The following CRBN variants were observed in gnomAD, a reference collection of about 807,000 sequenced individuals.
CRBN encodes the protein cereblon.
A neutral mutation model predicts 62.2 loss-of-function variants in CRBN; 53 were observed. The observed-to-expected ratio is 0.85, with a 90% CI of 0.68 to 1.07. The LOEUF (loss-of-function observed/expected upper bound fraction) is 1.07, where lower values mean the gene tolerates loss of function less well. Ranked by LOEUF, CRBN falls within the 50% of genes least tolerant of loss-of-function variation. The probability of loss-of-function intolerance (pLI) is 0.00; values close to 1 mark genes in which losing one functional copy is unlikely to be tolerated. For missense variants in CRBN, 616 were observed against 531.1 expected, an observed-to-expected ratio of 1.16 and a Z score of -1.57; for synonymous variants, 208 against 176.1, an observed-to-expected ratio of 1.18 and a Z score of -1.43.
intron 4 of CRBN, 151 bp downstream of exon 4, chr3:3,172,625 G>T (rs1314915496): frequency 2.6e-6 from 2 of 765,978 alleles, no homozygotes; most frequent in African/African-American, 1.7e-5. Context: ...GCATAGCAAG[G>T]TTGGAAACCA....
In CRBN at chr3:3,150,766, T is replaced by C. The variant is rs1706474161; in HGVS notation, c.*99A>G. 2 of 1,135,278 alleles carry C rather than the reference T, an allele frequency of 1.8e-6. No individual in the cohort carries two copies. The highest frequency in any genetic ancestry group is 2.6e-6 in the Non-Finnish European group (2 of 781,722). 70.3% of individuals were successfully genotyped at this position (1,135,278 alleles called of 1,614,324 possible). On this transcript the variant is annotated 3_prime_UTR_variant, in exon 11 of 11. Transcript: ENST00000231948. ...AATGTTATGTTTACTTAGGTATTAA[T>C]GTTATGTTTACTTAGGTATGTATCA...
chr3:3,165,241 G>A (rs80164912), intron 5 of CRBN, among the ~76,000 whole-genome samples: 71 of 152,322 alleles, frequency 4.7e-4, no homozygotes, highest in African/African-American at 1.7e-3. Context: ...TGTTGTGAAT[G>A]TTGAAATGAC....
chr3:3,171,993 T>G (rs980991195), intron 4 of CRBN, among the ~76,000 whole-genome samples: 3 of 152,138 alleles, frequency 2.0e-5, no homozygotes, highest in Non-Finnish European at 4.4e-5. Context: ...AGAGGTAATA[T>G]CCAGTGATCA....
intron 5 of CRBN, 99 bp from the exon 6 acceptor site, chr3:3,156,380 C>CAG: frequency 1.9e-6 from 2 of 1,065,756 alleles, no homozygotes; most frequent in Non-Finnish European, 2.8e-6. Flanking sequence ...CCTAGGAAAA[C>CAG]ATCTAATTTT....
intron 5 of CRBN, among the ~76,000 whole-genome samples, chr3:3,161,177 C>A (rs1195799999): frequency 6.6e-6 from 1 of 151,928 alleles, no homozygotes; most frequent in African/African-American, 2.4e-5. Context: ...AGACAAAAGA[C>A]AAACTAGGAA....
chr3:3,150,484 T>C lies in CRBN; in HGVS notation c.*381A>G, dbSNP rs1397200236. 1 of 213,276 alleles carries C rather than the reference T, an allele frequency of 4.7e-6. No individual in the cohort carries two copies. Among genetic ancestry groups the C allele is most frequent in the Non-Finnish European group, 9.6e-6 (1 of 104,240 alleles). 13.2% of individuals were successfully genotyped at this position (213,276 alleles called of 1,614,324 possible). A position where few individuals can be genotyped will look rare whatever the true frequency, so the allele number is the denominator to read the frequency against. On this transcript the variant is annotated 3_prime_UTR_variant, in exon 11 of 11. Transcript: ENST00000231948. ...GCTGTCCCATACATCAGGATCAAAT[T>C]ATTAGTTTCAGTTTCACATTGTAGG...
chr3:3,150,481 A>G lies in CRBN; in HGVS notation c.*384T>C, dbSNP rs138718854. ...TACGCTGTCCCATACATCAGGATCA[A>G]ATTATTAGTTTCAGTTTCACATTGT... On this transcript the variant is annotated 3_prime_UTR_variant, in exon 11 of 11. Transcript: ENST00000231948. 4 of 214,056 alleles carry G rather than the reference A, an allele frequency of 1.9e-5. No homozygotes were observed. The highest frequency in any genetic ancestry group is 4.7e-5 in the African/African-American group (2 of 42,386). 13.3% of individuals were successfully genotyped at this position (214,056 alleles called of 1,614,324 possible). A position where few individuals can be genotyped will look rare whatever the true frequency, so the allele number is the denominator to read the frequency against.
At chr3:3,162,131 A>G (rs1464000649) in intron 5 of CRBN, among the ~76,000 whole-genome samples, 1 of 152,194 alleles carries the variant, frequency 6.6e-6, no homozygotes, top group Non-Finnish European at 1.5e-5. Context: ...GAGGCCAGAA[A>G]GATGAGACTC....
Position 3,179,668 on chromosome 3 carries a change from T to G in CRBN, c.20A>C (p.Gln7Pro). 1 of 1,613,136 alleles carries G rather than the reference T, an allele frequency of 6.2e-7. No homozygotes were observed. Among genetic ancestry groups the G allele is most frequent in the Non-Finnish European group, 8.5e-7 (1 of 1,179,596 alleles). The change falls in exon 1 of 11, where the codon CAG becomes CCG. Residue 7 changes from glutamine to proline, a missense_variant. Gln to Pro is a moderately conservative substitution (Grantham distance 76). Coordinates refer to ENST00000231948, the MANE Select transcript of CRBN (RefSeq NM_016302.4). MAGEGD[Q>P]QDAAHNMGNH... The stretch of plus-strand genomic sequence containing the variant: ...GCCCATGTTGTGCGCAGCGTCCTGC[T>G]GATCTCCTTCGCCGGCCATGTCTGT...
At chr3:3,164,431 T>G (rs1237894722) in intron 5 of CRBN, among the ~76,000 whole-genome samples, 2 of 152,198 alleles carry the variant, frequency 1.3e-5, no homozygotes, top group Non-Finnish European at 2.9e-5. Context: ...AAATTTCCGT[T>G]GAGCCAAAGC....
chr3:3,165,575 AG>A (rs1329121956), intron 5 of CRBN, among the ~76,000 whole-genome samples: 2 of 152,206 alleles, frequency 1.3e-5, no homozygotes, highest in Admixed American at 1.3e-4. Context: ...TTAGCAATAA[AG>A]TATTTTTTTA....
intron 1 of CRBN, among the ~76,000 whole-genome samples, chr3:3,177,534 T>C (rs753720982): frequency 6.6e-6 from 1 of 152,192 alleles, no homozygotes; most frequent in Non-Finnish European, 1.5e-5. Context: ...ATGACAAAAA[T>C]ATTCTGCATC....
Position 3,154,848 on chromosome 3 carries a change from G to A in CRBN, c.751-17C>T, listed in dbSNP as rs777591337. 5 of 1,446,880 alleles carry A rather than the reference G, an allele frequency of 3.5e-6. No individual in the cohort carries two copies. 89.6% of individuals were successfully genotyped at this position (1,446,880 alleles called of 1,614,324 possible). On this transcript the variant is annotated splice_polypyrimidine_tract_variant and intron_variant, in intron 6 of 10. Transcript: ENST00000231948. ...TAAGGTCTCCTTGTTTAAAATAAAG[G>A]TAGCCATAATCAAGTTCATGGGCTT...
chr3:3,174,266 A>T lies in CRBN; in HGVS notation c.175-5T>A, dbSNP rs151039737. 20,735 of 1,588,214 alleles carry T rather than the reference A, an allele frequency of 0.013. 328 individuals carry two copies. Among genetic ancestry groups the T allele is most frequent in the South Asian group, 0.039 (3,528 of 90,594 alleles). On this transcript the variant is annotated splice_region_variant and splice_polypyrimidine_tract_variant and intron_variant, in intron 2 of 10. Transcript: ENST00000231948. ...TTCCATATCAGCACCTAGGTACTAT[A>T]TAAAAACATATATAGGTATAGTGTC...
chr3:3,163,120 T>C (rs698206), intron 5 of CRBN, among the ~76,000 whole-genome samples: 129,094 of 152,146 alleles, frequency 0.85, 57,112 homozygotes, highest in East Asian at 0.98. Flanking sequence ...TGTAGGTCAC[T>C]TGGAGTCCAA....
In CRBN at chr3:3,174,266, A is replaced by G. The variant is rs151039737; in HGVS notation, c.175-5T>C. The G allele has an allele frequency of 3.8e-6, 6 of 1,588,288 alleles. No individual in the cohort carries two copies. The highest frequency in any genetic ancestry group is 1.7e-4 in the Middle Eastern group (1 of 6,010). On this transcript the variant is annotated splice_region_variant and splice_polypyrimidine_tract_variant and intron_variant, in intron 2 of 10. Coordinates refer to ENST00000231948, the MANE Select transcript of CRBN (RefSeq NM_016302.4). Reference sequence around the variant, plus strand: ...TTCCATATCAGCACCTAGGTACTATATAAAAACATATATAGGTATAGTGTC... The same window carrying G: ...TTCCATATCAGCACCTAGGTACTATGTAAAAACATATATAGGTATAGTGTC...
intron 1 of CRBN, among the ~76,000 whole-genome samples, chr3:3,178,016 AC>A (rs144797872): frequency 0.07 from 10,328 of 147,474 alleles, 1,623 homozygotes; most frequent in East Asian, 0.67. Context: ...AACAAAACAA[AC>A]AAAAAAAAAA....
intron 5 of CRBN, among the ~76,000 whole-genome samples, chr3:3,164,452 G>A (rs1707249641): frequency 1.3e-5 from 2 of 152,164 alleles, no homozygotes; most frequent in Non-Finnish European, 1.5e-5. Context: ...CTAATCCAGA[G>A]AAAGTCCCTA....
intron 9 of CRBN, 129 bp from the exon 10 acceptor site, chr3:3,152,716 A>G (rs1425315335): frequency 2.7e-5 from 30 of 1,102,510 alleles, no homozygotes; most frequent in Non-Finnish European, 3.8e-5. Context: ...CTTCAGTTTT[A>G]TATAATACCA....
Sources: gnomAD v4.1 joint callset for allele counts (sites outside exome capture counted in the v4.1 genomes callset) on GRCh38, gnomAD v4.1.1 for gene constraint, MANE v1.5 for transcripts, NCBI Gene and HGNC (gene_info 2026-07-23, HGNC 2026-07-21) for gene names.